Variants in TRIM67 observed in about 807,000 individuals in gnomAD.
TRIM67 encodes tripartite motif-containing protein 67.
A neutral mutation model predicts 71.0 loss-of-function variants in TRIM67; 39 were observed. The ratio of observed to expected loss-of-function variants is 0.55; its 90% CI spans 0.43 to 0.72. TRIM67 has a LOEUF of 0.72. Among genes scored for constraint, TRIM67 ranks in the 30% least tolerant of loss-of-function variants. The pLI, the probability that TRIM67 is intolerant of heterozygous loss-of-function variation, is 0.00. For synonymous variants in TRIM67, 481 were observed against 473.9 expected, an observed-to-expected ratio of 1.01 and a Z score of -0.19; for missense variants, 973 against 1,079.2, an observed-to-expected ratio of 0.90 and a Z score of 1.38.
At chr1:231,198,615 A>G (rs1482271411) in intron 2 of TRIM67, among the ~76,000 whole-genome samples, 1 of 151,980 alleles carries the variant, frequency 6.6e-6, no homozygotes, top group Non-Finnish European at 1.5e-5. Context: ...CCAACTCCCA[A>G]CCTCAGGTGA....
intron 1 of TRIM67, among the ~76,000 whole-genome samples, chr1:231,176,121 A>G (rs9431660): frequency 0.33 from 49,803 of 152,002 alleles, 8,448 homozygotes; most frequent in South Asian, 0.47. Flanking sequence ...GAGAAATGTC[A>G]TCTTGTGGCT....
chr1:231,193,086 C>T (rs994731479), intron 1 of TRIM67, among the ~76,000 whole-genome samples: 1 of 152,222 alleles, frequency 6.6e-6, no homozygotes, highest in Non-Finnish European at 1.5e-5. Flanking sequence ...GTGACCCTAA[C>T]TACCCTGCCT....
intron 4 of TRIM67, among the ~76,000 whole-genome samples, 194 bp from the exon 5 acceptor site, chr1:231,201,164 A>T (rs774080597): frequency 6.6e-6 from 1 of 152,196 alleles, no homozygotes; most frequent in Non-Finnish European, 1.5e-5. Context: ...TACGATTGAA[A>T]CAATATTTCA....
intron 1 of TRIM67, 110 bp downstream of exon 1, chr1:231,164,123 A>G: frequency 7.8e-7 from 1 of 1,283,738 alleles, no homozygotes; most frequent in Non-Finnish European, 1.0e-6. Flanking sequence ...AGGGTCAGGC[A>G]GGAATTACCT....
Position 231,163,985 on chromosome 1 carries a change from C to G in TRIM67, c.1016C>G (p.Pro339Arg). 2 of 1,576,478 alleles carry G rather than the reference C, an allele frequency of 1.3e-6. No homozygotes were observed. The highest frequency in any genetic ancestry group is 1.7e-6 in the Non-Finnish European group (2 of 1,160,720). The part of the protein sequence containing the change: ...EGRHAKHEVK[P>R]LGAMWKQHKA... Reference sequence around the variant, plus strand: ...CGGCACGCCAAGCACGAGGTGAAGCCGCTGGGGGCCATGTGGAAGCAGCAC... The same window carrying G: ...CGGCACGCCAAGCACGAGGTGAAGCGGCTGGGGGCCATGTGGAAGCAGCAC... The change falls in exon 1 of 10, where the codon CCG becomes CGG. Residue 339 changes from proline to arginine, a missense_variant. By Grantham distance (103) the Pro-to-Arg change is moderately radical. Transcript: ENST00000366653.
At position 231,217,812 on chromosome 1, in the gene TRIM67, G is replaced by A; in HGVS notation, c.*2372G>A. 3 of 1,289,462 alleles carry A rather than the reference G, an allele frequency of 2.3e-6. No homozygotes were observed. Among genetic ancestry groups the A allele is most frequent in the Non-Finnish European group, 3.0e-6 (3 of 988,730 alleles). 79.9% of individuals were successfully genotyped at this position (1,289,462 alleles called of 1,614,324 possible). A position where few individuals can be genotyped will look rare whatever the true frequency, so the allele number is the denominator to read the frequency against. On this transcript the variant is annotated 3_prime_UTR_variant, in exon 10 of 10. Transcript: ENST00000366653. The stretch of plus-strand genomic sequence containing the variant: ...TGAACCTAACCCCTTTGAGGGAGCA[G>A]CATCCAGGTCAGGAGAGAAGTGGAA...
At chr1:231,196,084 C>G (rs1683363856) in intron 1 of TRIM67, among the ~76,000 whole-genome samples, 2 of 152,126 alleles carry the variant, frequency 1.3e-5, no homozygotes, top group Admixed American at 6.5e-5. Flanking sequence ...AGATGGACAG[C>G]AAACAAGTTT....
intron 1 of TRIM67, among the ~76,000 whole-genome samples, chr1:231,196,343 C>T (rs915152973): frequency 2.6e-5 from 4 of 152,066 alleles, no homozygotes; most frequent in African/African-American, 9.7e-5. Flanking sequence ...CGTGATGGCT[C>T]ACACCTGTAA....
intron 1 of TRIM67, among the ~76,000 whole-genome samples, chr1:231,175,322 C>A (rs1047386597): frequency 3.3e-5 from 5 of 152,200 alleles, no homozygotes; most frequent in African/African-American, 1.2e-4. Flanking sequence ...GACATCAGGG[C>A]ACACCAAAGG....
At chr1:231,192,797 G>A (rs1198863637) in intron 1 of TRIM67, among the ~76,000 whole-genome samples, 1 of 152,250 alleles carries the variant, frequency 6.6e-6, no homozygotes, top group African/African-American at 2.4e-5. Flanking sequence ...CACCAAGGGG[G>A]CATCAAAAAG....
intron 8 of TRIM67, among the ~76,000 whole-genome samples, chr1:231,213,245 G>C (rs1683921363): frequency 6.6e-6 from 1 of 152,158 alleles, no homozygotes; most frequent in African/African-American, 2.4e-5. Flanking sequence ...GAATTTTCTA[G>C]TGCGCAGATC....
Position 231,199,111 on chromosome 1 carries a change from C to G in TRIM67, c.1205C>G (p.Thr402Ser). The G allele has an allele frequency of 6.2e-7, 1 of 1,614,022 alleles. No homozygotes were observed. Among genetic ancestry groups the G allele is most frequent in the Non-Finnish European group, 8.5e-7 (1 of 1,179,888 alleles). The change falls in exon 3 of 10, where the codon ACT (threonine) becomes AGT (serine). Residue 402 changes from threonine (T) to serine (S), a missense_variant. Around this residue, in one of 2 missense-constraint regions of TRIM67, gnomAD observed 795 missense variants for 831.3 expected, o/e 0.96. Transcript: ENST00000366653. ...TGTGATGCCCTTGTGGATGCTTTAA[C>G]TCGTCAGAAAGCCAAGCTGCTCACC... ...AQCDALVDAL[T>S]RQKAKLLTKV...
At chr1:231,200,093 C>A (rs2102748920) in intron 3 of TRIM67, 55 bp from the exon 4 acceptor site, 3 of 1,381,132 alleles carry the variant, frequency 2.2e-6, no homozygotes, top group Non-Finnish European at 3.1e-6. Flanking sequence ...CTTGCGGTGG[C>A]CTGCCTGTTC....
At chr1:231,166,916 G>T (rs1316142802) in intron 1 of TRIM67, among the ~76,000 whole-genome samples, 1 of 152,160 alleles carries the variant, frequency 6.6e-6, no homozygotes, top group Non-Finnish European at 1.5e-5. Context: ...AGAGCTTTTG[G>T]TTGTTTGCTT....
In TRIM67 at chr1:231,220,697, G is replaced by A. The variant is rs371360053; in HGVS notation, c.*5257G>A. 19 of 152,434 alleles carry A rather than the reference G, an allele frequency of 1.2e-4. No individual in the cohort carries two copies. Among genetic ancestry groups the A allele is most frequent in the African/African-American group, 4.3e-4 (18 of 41,588 alleles). The allele number at this position is 152,434 out of a possible 1,614,324, so 9.4% of individuals were successfully genotyped here. On this transcript the variant is annotated 3_prime_UTR_variant, in exon 10 of 10. Transcript: ENST00000366653. ...CCAGCACGAGCTATGCAGGTTGGGG[G>A]AGGCCCTGGCTTTTTCAATGATTGA... is the stretch of plus-strand genomic sequence containing the variant.
At chr1:231,208,561 C>T (rs1184091780) in intron 7 of TRIM67, among the ~76,000 whole-genome samples, 1 of 152,092 alleles carries the variant, frequency 6.6e-6, no homozygotes, top group Non-Finnish European at 1.5e-5. Context: ...ATCCACCCAC[C>T]TCGGCTTCCC....
At chr1:231,171,389 G>T (rs1366870733) in intron 1 of TRIM67, among the ~76,000 whole-genome samples, 5 of 152,068 alleles carry the variant, frequency 3.3e-5, no homozygotes, top group African/African-American at 1.2e-4. Context: ...TGCTTTCCTG[G>T]GATTTAAAAT....
chr1:231,178,640 T>G (rs1212454325), intron 1 of TRIM67, among the ~76,000 whole-genome samples: 1 of 152,234 alleles, frequency 6.6e-6, no homozygotes, highest in Non-Finnish European at 1.5e-5. Flanking sequence ...CTCCTCACAC[T>G]GAACGGGTGC....
Position 231,163,727 on chromosome 1 carries a change from C to G in TRIM67, c.758C>G (p.Pro253Arg). The G allele has an allele frequency of 2.8e-6, 4 of 1,429,872 alleles. No homozygotes were observed. Among genetic ancestry groups the G allele is most frequent in the Non-Finnish European group, 3.7e-6 (4 of 1,085,892 alleles). 88.6% of individuals were successfully genotyped at this position (1,429,872 alleles called of 1,614,324 possible). ...GPFAKHRLVQ[P>R]PPPPPPPAEA... Reference sequence around the variant, plus strand: ...TTCGCCAAGCATCGCCTGGTGCAGCCGCCGCCGCCGCCGCCGCCGCCCGCC... The same window carrying G: ...TTCGCCAAGCATCGCCTGGTGCAGCGGCCGCCGCCGCCGCCGCCGCCCGCC... Residue 253 changes from proline (P) to arginine (R), a missense_variant, in exon 1 of 10, where the codon CCG becomes CGG. Around this residue, in one of 2 missense-constraint regions of TRIM67, gnomAD observed 795 missense variants for 831.3 expected, o/e 0.96. Transcript: ENST00000366653.
Sources: allele counts gnomAD v4.1 joint callset (sites outside exome capture counted in the v4.1 genomes callset), GRCh38; gene constraint gnomAD v4.1.1; regional missense constraint gnomAD v4.1.1; transcripts MANE v1.5; gene names NCBI Gene and HGNC (gene_info 2026-07-23, HGNC 2026-07-21).